The following DOK6 variants were observed in gnomAD, a reference collection of about 807,000 sequenced individuals.
The protein encoded by DOK6 is downstream of tyrosine kinase 6.
In DOK6, 22 loss-of-function variants were observed where a neutral mutation model predicts 44.0. The ratio of observed to expected loss-of-function variants is 0.50; its 90% confidence interval spans 0.36 to 0.71. DOK6 has a LOEUF of 0.71. Ranked by LOEUF, DOK6 falls within the 30% of genes least tolerant of loss-of-function variation. DOK6 has a pLI of 0.00. For missense variants in DOK6, 340 were observed against 416.4 expected, an observed-to-expected ratio of 0.82 and a Z score of 1.60; for synonymous variants, 166 against 145.5, an observed-to-expected ratio of 1.14 and a Z score of -1.01.
chr18:69,570,899 C>T (rs1309621418), intron 2 of DOK6, among the ~76,000 whole-genome samples: 1 of 152,072 alleles, frequency 6.6e-6, no homozygotes, highest in African/African-American at 2.4e-5. Context: ...TCCTTCAGAT[C>T]TATACTCCAA....
At chr18:69,763,297 C>G (rs1458032261) in intron 7 of DOK6, among the ~76,000 whole-genome samples, 1 of 152,050 alleles carries the variant, frequency 6.6e-6, no homozygotes, top group East Asian at 1.9e-4. Context: ...TCTTTTTTGC[C>G]AGAGTATCAT....
chr18:69,575,059 C>T (rs571243027), intron 2 of DOK6, among the ~76,000 whole-genome samples: 2 of 152,098 alleles, frequency 1.3e-5, no homozygotes, highest in East Asian at 1.9e-4. Flanking sequence ...TTCCCTACTG[C>T]ACAGCATATT....
At chr18:69,672,028 C>A (rs1006939131) in intron 3 of DOK6, among the ~76,000 whole-genome samples, 2 of 152,146 alleles carry the variant, frequency 1.3e-5, no homozygotes, top group Non-Finnish European at 2.9e-5. Flanking sequence ...TGATAAAATT[C>A]TCTACACTGT....
At chr18:69,790,518 G>A (rs915939271) in intron 7 of DOK6, among the ~76,000 whole-genome samples, 27 of 152,106 alleles carry the variant, frequency 1.8e-4, no homozygotes, top group Non-Finnish European at 7.4e-5. Flanking sequence ...TGAAGCATGC[G>A]CTAAGTAAGA....
intron 1 of DOK6, among the ~76,000 whole-genome samples, chr18:69,470,621 C>T (rs1980072001): frequency 6.6e-6 from 1 of 152,108 alleles, no homozygotes; most frequent in South Asian, 2.1e-4. Context: ...CTTTCTTCCC[C>T]ACCCTGAAGA....
intron 1 of DOK6, among the ~76,000 whole-genome samples, chr18:69,558,543 C>T (rs1982746415): frequency 6.6e-6 from 1 of 151,990 alleles, no homozygotes; most frequent in Admixed American, 6.6e-5. Context: ...TAGTCCATAG[C>T]CATGGTGAAT....
intron 7 of DOK6, among the ~76,000 whole-genome samples, chr18:69,831,730 A>G (rs192810887): frequency 5.9e-5 from 9 of 152,294 alleles, no homozygotes; most frequent in Admixed American, 5.2e-4. Context: ...TTTCAGAAGC[A>G]CTCTAGGAGA....
chr18:69,632,188 C>T (rs1380227226), intron 3 of DOK6, among the ~76,000 whole-genome samples: 1 of 152,140 alleles, frequency 6.6e-6, no homozygotes, highest in Non-Finnish European at 1.5e-5. Flanking sequence ...AGATTTTCTT[C>T]ATTTGTCTTA....
At chr18:69,794,792 G>A (rs1034284025) in intron 7 of DOK6, among the ~76,000 whole-genome samples, 6 of 152,162 alleles carry the variant, frequency 3.9e-5, no homozygotes, top group Admixed American at 2.6e-4. Flanking sequence ...TCAGATCAGC[G>A]GCATGAGATT....
intron 1 of DOK6, among the ~76,000 whole-genome samples, chr18:69,495,718 C>G (rs1980865115): frequency 6.6e-6 from 1 of 152,192 alleles, no homozygotes; most frequent in African/African-American, 2.4e-5. Flanking sequence ...ACCTGTCTGC[C>G]TCTGCTGCCA....
At chr18:69,761,540 C>T (rs1013353974) in intron 7 of DOK6, among the ~76,000 whole-genome samples, 3 of 152,120 alleles carry the variant, frequency 2.0e-5, no homozygotes, top group Non-Finnish European at 2.9e-5. Flanking sequence ...TGGATGACTT[C>T]TGTTTTCTGT....
chr18:69,510,705 T>A (rs1212818976), intron 1 of DOK6, among the ~76,000 whole-genome samples: 1 of 152,194 alleles, frequency 6.6e-6, no homozygotes, highest in Non-Finnish European at 1.5e-5. Context: ...GATTCTGAAC[T>A]GCTGTGAAAA....
chr18:69,741,541 G>A (rs911284893), intron 6 of DOK6, among the ~76,000 whole-genome samples: 3 of 152,102 alleles, frequency 2.0e-5, no homozygotes, highest in Non-Finnish European at 2.9e-5. Context: ...TCTGTCACCC[G>A]GGCCAGAGTG....
Position 69,841,434 on chromosome 18 carries a change from T to C in DOK6, c.*51T>C, listed in dbSNP as rs1982217495. The C allele has an allele frequency of 6.2e-7, 1 of 1,608,002 alleles. No homozygotes were observed. The highest frequency in any genetic ancestry group is 1.7e-5 in the Admixed American group (1 of 59,738). ...AGAGACAGTCTGTCCTGGACCCGTCTGTGGGGTCATTACCCTCTGCCTCCT... is the reference window on the plus strand; with the variant it reads ...AGAGACAGTCTGTCCTGGACCCGTCCGTGGGGTCATTACCCTCTGCCTCCT... On this transcript the variant is annotated 3_prime_UTR_variant, in exon 8 of 8. Coordinates refer to ENST00000382713, the MANE Select transcript of DOK6 (RefSeq NM_152721.6).
intron 1 of DOK6, among the ~76,000 whole-genome samples, chr18:69,408,356 T>C (rs1398477721): frequency 6.6e-6 from 1 of 151,920 alleles, no homozygotes; most frequent in Non-Finnish European, 1.5e-5. Context: ...GGAAGTACTA[T>C]GCAGATACTT....
chr18:69,665,399 T>C (rs1260721859), intron 3 of DOK6, among the ~76,000 whole-genome samples: 1 of 152,122 alleles, frequency 6.6e-6, no homozygotes, highest in Non-Finnish European at 1.5e-5. Context: ...GAATGAGGTA[T>C]TTGATTATTT....
intron 3 of DOK6, among the ~76,000 whole-genome samples, chr18:69,676,823 C>T (rs553634631): frequency 6.6e-6 from 1 of 152,178 alleles, no homozygotes; most frequent in Non-Finnish European, 1.5e-5. Flanking sequence ...CTCACTCGCA[C>T]AGGGCTTACA....
chr18:69,764,967 T>C (rs190337300), intron 7 of DOK6, among the ~76,000 whole-genome samples: 1 of 152,302 alleles, frequency 6.6e-6, no homozygotes, highest in East Asian at 1.9e-4. Context: ...AGAAGGCATT[T>C]GACGCTCACG....
chr18:69,450,886 GC>G (rs1228140693), intron 1 of DOK6, among the ~76,000 whole-genome samples: 2 of 149,832 alleles, frequency 1.3e-5, no homozygotes, highest in African/African-American at 4.9e-5. Context: ...CACCAGGCCT[GC>G]CCTAAAAGAG....
Sources: allele counts gnomAD v4.1 joint callset (sites outside exome capture counted in the v4.1 genomes callset), GRCh38; gene constraint gnomAD v4.1.1; transcripts MANE v1.5; gene names NCBI Gene and HGNC (gene_info 2026-07-23, HGNC 2026-07-21).